Variants in CLSTN2 observed in about 807,000 individuals in gnomAD.
CLSTN2 encodes the protein calsyntenin-2.
In CLSTN2, 48 loss-of-function variants were observed where a neutral mutation model predicts 101.2. That is an observed-to-expected ratio of 0.47 (90% CI 0.38 to 0.60). The LOEUF (loss-of-function observed/expected upper bound fraction) is 0.60. CLSTN2 is among the 20% of genes least tolerant of loss of function. The pLI, the probability that CLSTN2 is intolerant of heterozygous loss-of-function variation, is 0.00. For missense variants in CLSTN2, 1,160 were observed against 1,238.2 expected (o/e 0.94, Z 0.95); for synonymous variants, 481 against 463.6 (o/e 1.04, Z -0.48).
At chr3:140,467,085 T>C (rs1484959211) in intron 8 of CLSTN2, among the ~76,000 whole-genome samples, 1 of 152,184 alleles carries the variant, frequency 6.6e-6, no homozygotes, top group African/African-American at 2.4e-5. Flanking sequence ...AAATGCTCCA[T>C]GTCTTCCCTT....
intron 1 of CLSTN2, among the ~76,000 whole-genome samples, chr3:139,960,332 C>T (rs181854957): frequency 9.8e-4 from 150 of 152,312 alleles, no homozygotes; most frequent in South Asian, 6.0e-3. Context: ...TCAAGCCCCC[C>T]ACATTTCCCT....
chr3:139,936,330 T>G (rs1935019484), intron 1 of CLSTN2, among the ~76,000 whole-genome samples: 5 of 147,808 alleles, frequency 3.4e-5, no homozygotes, highest in African/African-American at 1.0e-4. Context: ...TTGCAGGGGG[T>G]GGGGAGGCGA....
At chr3:140,480,862 G>A (rs1389287121) in intron 8 of CLSTN2, among the ~76,000 whole-genome samples, 2 of 152,212 alleles carry the variant, frequency 1.3e-5, no homozygotes, top group East Asian at 3.9e-4. Flanking sequence ...TGTCCAATGA[G>A]TAGATTGCAA....
At chr3:140,476,342 C>A (rs553413193) in intron 8 of CLSTN2, among the ~76,000 whole-genome samples, 2 of 152,336 alleles carry the variant, frequency 1.3e-5, no homozygotes, top group South Asian at 4.1e-4. Flanking sequence ...ATATCAAGCA[C>A]TTTCTTTTAG....
intron 13 of CLSTN2, 39 bp downstream of exon 13, chr3:140,562,347 CTCTTAGAATG>C: frequency 6.4e-7 from 1 of 1,573,582 alleles, no homozygotes; most frequent in Non-Finnish European, 8.6e-7. Flanking sequence ...CAAGGGTGTC[CTCTTAGAATG>C]TCCTTGTCCA....
chr3:140,180,720 A>T (rs2010395700), intron 2 of CLSTN2, among the ~76,000 whole-genome samples: 1 of 152,208 alleles, frequency 6.6e-6, no homozygotes, highest in Non-Finnish European at 1.5e-5. Flanking sequence ...ACAGGGCTGC[A>T]GAGAATGATC....
chr3:140,297,984 T>A (rs2087020326), intron 2 of CLSTN2, among the ~76,000 whole-genome samples: 1 of 152,244 alleles, frequency 6.6e-6, no homozygotes, highest in African/African-American at 2.4e-5. Flanking sequence ...ACTGCTTTTA[T>A]ACAATTGTAA....
intron 8 of CLSTN2, among the ~76,000 whole-genome samples, chr3:140,471,695 A>G (rs1031241266): frequency 2.0e-4 from 31 of 152,338 alleles, no homozygotes; most frequent in African/African-American, 7.0e-4. Flanking sequence ...GATGAGTGAC[A>G]ATACCTGGCT....
At chr3:140,555,778 G>A (rs1051287894) in intron 10 of CLSTN2, among the ~76,000 whole-genome samples, 9 of 152,182 alleles carry the variant, frequency 5.9e-5, no homozygotes, top group Non-Finnish European at 1.0e-4. Flanking sequence ...AGTAACTGCT[G>A]TGGGGACATG....
intron 8 of CLSTN2, among the ~76,000 whole-genome samples, chr3:140,480,315 T>C (rs1934086937): frequency 6.6e-6 from 1 of 152,222 alleles, no homozygotes; most frequent in Admixed American, 6.5e-5. Context: ...ATGGTGTATA[T>C]GTGCCACATT....
chr3:140,186,329 G>A (rs777172387), intron 2 of CLSTN2, among the ~76,000 whole-genome samples: 1 of 152,144 alleles, frequency 6.6e-6, no homozygotes, highest in Non-Finnish European at 1.5e-5. Context: ...AATAGTCCTG[G>A]AATTGGAGCC....
chr3:140,134,897 C>T (rs1340920150), intron 1 of CLSTN2, among the ~76,000 whole-genome samples: 1 of 151,598 alleles, frequency 6.6e-6, no homozygotes, highest in Non-Finnish European at 1.5e-5. Flanking sequence ...TGAAGAATTA[C>T]CTAAGCTGGC....
At chr3:140,236,781 C>T (rs570172750) in intron 2 of CLSTN2, among the ~76,000 whole-genome samples, 8 of 150,686 alleles carry the variant, frequency 5.3e-5, no homozygotes, top group Admixed American at 2.7e-4. Flanking sequence ...TTTTTAATCC[C>T]AATGTTGTTT....
chr3:140,205,444 C>T (rs1232467512), intron 2 of CLSTN2, among the ~76,000 whole-genome samples: 1 of 152,152 alleles, frequency 6.6e-6, no homozygotes, highest in East Asian at 1.9e-4. Context: ...AAGTTAGTCA[C>T]ACCTTGAAGT....
chr3:140,177,481 G>T (rs2010342308), intron 2 of CLSTN2, among the ~76,000 whole-genome samples: 2 of 151,986 alleles, frequency 1.3e-5, no homozygotes, highest in Non-Finnish European at 2.9e-5. Context: ...GGAAATGTTT[G>T]GTTTATTATG....
chr3:140,326,345 G>A (rs2107926651), intron 2 of CLSTN2, among the ~76,000 whole-genome samples: 1 of 152,302 alleles, frequency 6.6e-6, no homozygotes, highest in Non-Finnish European at 1.5e-5. Flanking sequence ...GGGAAGAAGG[G>A]GCCCCAAAGG....
At chr3:140,274,808 C>G (rs1432430159) in intron 2 of CLSTN2, among the ~76,000 whole-genome samples, 1 of 152,196 alleles carries the variant, frequency 6.6e-6, no homozygotes, top group Non-Finnish European at 1.5e-5. Flanking sequence ...AGGCACAGAT[C>G]ACAAAGCAGA....
chr3:139,998,336 C>CTTTTTTTTTTTTTTTTTGTTTTT (rs2006730419), intron 1 of CLSTN2, among the ~76,000 whole-genome samples: 1 of 66,814 alleles, frequency 1.5e-5, no homozygotes, highest in African/African-American at 7.2e-5. Context: ...CCCCACATGC[C>CTTTTTTTTTTTTTTTTTGTTTTT]TTTTTTTTTT....
chr3:140,082,802 G>A (rs1187942528), intron 1 of CLSTN2, among the ~76,000 whole-genome samples: 4 of 152,184 alleles, frequency 2.6e-5, no homozygotes, highest in African/African-American at 9.7e-5. Context: ...GGGATATGAG[G>A]AAGAACTGGA....
Sources: allele counts gnomAD v4.1 joint callset (sites outside exome capture counted in the v4.1 genomes callset), GRCh38; gene constraint gnomAD v4.1.1; transcripts MANE v1.5; gene names NCBI Gene and HGNC (gene_info 2026-07-23, HGNC 2026-07-21).